PTPRD: variants seen among roughly 807,000 people sequenced by gnomAD.
PTPRD encodes the protein receptor-type tyrosine-protein phosphatase delta.
Under a neutral mutation model 214.5 loss-of-function variants are expected in PTPRD, and 34 were observed. The ratio of observed to expected loss-of-function variants is 0.16; its 90% CI spans 0.12 to 0.21. The LOEUF (loss-of-function observed/expected upper bound fraction) is 0.21. Ranked by LOEUF, PTPRD falls within the 10% of genes least tolerant of loss-of-function variation. The pLI is 1.00. For synonymous variants in PTPRD, 1,128 were observed against 845.7 expected (o/e 1.33, Z -5.79); for missense variants, 2,545 against 2,398.7 (o/e 1.06, Z -1.27).
At chr9:10,599,786 C>T (rs1045746647) in intron 2 of PTPRD, among the ~76,000 whole-genome samples, 4 of 151,708 alleles carry the variant, frequency 2.6e-5, no homozygotes, top group African/African-American at 7.3e-5. Flanking sequence ...CTTCACTTCT[C>T]GAAGTTTTCA....
chr9:9,296,310 C>T (rs1770998266), intron 9 of PTPRD, among the ~76,000 whole-genome samples: 1 of 151,678 alleles, frequency 6.6e-6, no homozygotes, highest in African/African-American at 2.4e-5. Flanking sequence ...ACTGTACTGT[C>T]AGTGGAACCT....
intron 2 of PTPRD, among the ~76,000 whole-genome samples, chr9:10,521,572 C>A (rs765483124): frequency 1.3e-5 from 2 of 152,156 alleles, no homozygotes; most frequent in African/African-American, 2.4e-5. Flanking sequence ...GAGAGCATTG[C>A]ATGCTGCAGA....
At chr9:8,365,807 G>C (rs1443532606) in intron 39 of PTPRD, among the ~76,000 whole-genome samples, 1 of 152,114 alleles carries the variant, frequency 6.6e-6, no homozygotes, top group Non-Finnish European at 1.5e-5. Flanking sequence ...ACTGGACCAG[G>C]ATGAAAAGCC....
At chr9:9,741,149 T>G (rs1386287614) in intron 6 of PTPRD, among the ~76,000 whole-genome samples, 1 of 152,156 alleles carries the variant, frequency 6.6e-6, no homozygotes, top group African/African-American at 2.4e-5. Flanking sequence ...GTAAATGTAT[T>G]GAGTTTGAAA....
intron 36 of PTPRD, among the ~76,000 whole-genome samples, chr9:8,403,368 T>G (rs2092641390): frequency 6.6e-6 from 1 of 152,192 alleles, no homozygotes; most frequent in Non-Finnish European, 1.5e-5. Flanking sequence ...AACCTTCAAG[T>G]ATGAAGAGGC....
intron 7 of PTPRD, among the ~76,000 whole-genome samples, chr9:9,674,517 A>G (rs1359700654): frequency 1.9e-4 from 29 of 151,850 alleles, no homozygotes; most frequent in Admixed American, 1.9e-3. Context: ...GCTGAAAGAC[A>G]AGAAGTGTTT....
chr9:9,559,173 G>A (rs757333673), intron 8 of PTPRD, among the ~76,000 whole-genome samples: 47 of 151,848 alleles, frequency 3.1e-4, no homozygotes, highest in Non-Finnish European at 4.7e-4. Flanking sequence ...AGTCTGGGGC[G>A]TGGTTACCCA....
chr9:9,305,669 T>C (rs1373294354), intron 9 of PTPRD, among the ~76,000 whole-genome samples: 1 of 151,882 alleles, frequency 6.6e-6, no homozygotes, highest in Non-Finnish European at 1.5e-5. Context: ...TAAAATGAGG[T>C]CATATTGAAT....
intron 11 of PTPRD, among the ~76,000 whole-genome samples, chr9:8,760,645 T>C (rs1016802165): frequency 4.0e-5 from 6 of 151,706 alleles, no homozygotes; most frequent in African/African-American, 1.5e-4. Context: ...GGGGGATGTA[T>C]GCATGTTTTA....
At chr9:10,146,791 G>T (rs559387519) in intron 3 of PTPRD, among the ~76,000 whole-genome samples, 1 of 152,200 alleles carries the variant, frequency 6.6e-6, no homozygotes, top group African/African-American at 2.4e-5. Flanking sequence ...AAAGAGGTTT[G>T]GGGAGAGTGG....
At chr9:9,072,957 A>G (rs1437713474) in intron 10 of PTPRD, among the ~76,000 whole-genome samples, 1 of 152,088 alleles carries the variant, frequency 6.6e-6, no homozygotes, top group Non-Finnish European at 1.5e-5. Flanking sequence ...ACAGATCTCT[A>G]CTGACAGCAT....
intron 11 of PTPRD, among the ~76,000 whole-genome samples, chr9:8,743,666 A>T (rs538184708): frequency 6.6e-6 from 1 of 152,262 alleles, no homozygotes; most frequent in African/African-American, 2.4e-5. Context: ...ATAACATCAG[A>T]AAAACCCTTC....
rs1177957119 is a variant in PTPRD at position 8,833,715 on chromosome 9, T to TAC, written c.-103-99771_-103-99770dup. On this transcript the variant is annotated intron_variant, in intron 11 of 45. Coordinates refer to ENST00000381196, the MANE Select transcript of PTPRD (RefSeq NM_002839.4). ...CTCTCTCTCTCTATATATATATATA[T>TAC]ACACACACACACACACACACACACA... is the stretch of plus-strand genomic sequence containing the variant. Among the ~76,000 whole-genome samples the TAC allele has an allele frequency of 4.5e-3, 600 of 133,724 alleles. 5 individuals carry two copies. Among genetic ancestry groups the TAC allele is most frequent in the African/African-American group, 9.1e-3 (321 of 35,306 alleles). 87.7% of individuals were successfully genotyped at this position (133,724 alleles called of 152,430 possible).
chr9:10,019,592 C>G (rs1589066601), intron 4 of PTPRD, among the ~76,000 whole-genome samples: 1 of 152,136 alleles, frequency 6.6e-6, no homozygotes, highest in Non-Finnish European at 1.5e-5. Flanking sequence ...GAATACTATG[C>G]ATTCATAAAA....
chr9:9,940,282 C>T (rs2091056934), intron 4 of PTPRD, among the ~76,000 whole-genome samples: 1 of 152,040 alleles, frequency 6.6e-6, no homozygotes, highest in African/African-American at 2.4e-5. Flanking sequence ...AAAGGATAAA[C>T]CCCGCTCATC....
intron 9 of PTPRD, among the ~76,000 whole-genome samples, chr9:9,219,521 G>A (rs563401736): frequency 1.3e-5 from 2 of 152,050 alleles, no homozygotes; most frequent in Admixed American, 1.3e-4. Flanking sequence ...TGCTCAGTTT[G>A]TATTTAAAGT....
chr9:8,322,123 G>A (rs78515955), intron 44 of PTPRD, among the ~76,000 whole-genome samples: 4,862 of 152,140 alleles, frequency 0.032, 118 homozygotes, highest in Non-Finnish European at 0.045. Flanking sequence ...TGTTATGACT[G>A]CTTCACCAAC....
intron 5 of PTPRD, among the ~76,000 whole-genome samples, chr9:9,937,124 T>C (rs1036092911): frequency 2.6e-5 from 4 of 152,042 alleles, no homozygotes; most frequent in African/African-American, 4.8e-5. Flanking sequence ...TACCTAATGC[T>C]AGATGATGAG....
intron 7 of PTPRD, among the ~76,000 whole-genome samples, chr9:9,711,301 T>C (rs973700258): frequency 2.6e-5 from 4 of 152,142 alleles, no homozygotes; most frequent in African/African-American, 7.2e-5. Flanking sequence ...TTTGGTAAAA[T>C]TGGTTTCCTA....
Sources: gnomAD v4.1 joint callset for allele counts (sites outside exome capture counted in the v4.1 genomes callset) on GRCh38, gnomAD v4.1.1 for gene constraint, MANE v1.5 for transcripts, NCBI Gene and HGNC (gene_info 2026-07-23, HGNC 2026-07-21) for gene names.